Variants in ILF2 observed in about 807,000 individuals in gnomAD.
ILF2 encodes interleukin enhancer-binding factor 2.
Under a neutral mutation model 55.3 loss-of-function variants are expected in ILF2, and 9 were observed. That is an observed-to-expected ratio of 0.16 (90% CI 0.10 to 0.28). The LOEUF is 0.28. ILF2 is among the 10% of genes least tolerant of loss of function. The probability of loss-of-function intolerance (pLI) is 1.00; values close to 1 mark genes in which losing one functional copy is unlikely to be tolerated. For missense variants in ILF2, 266 were observed against 474.9 expected (o/e 0.56, Z 4.09); for synonymous variants, 151 against 161.8 (o/e 0.93, Z 0.50).
chr1:153,670,320 C>T, intron 1 of ILF2, 90 bp from the exon 2 acceptor site: 2 of 1,318,560 alleles, frequency 1.5e-6, no homozygotes, highest in South Asian at 1.2e-5. Context: ...CTCGGAACCT[C>T]CCAACGGTAG....
Position 153,665,274 on chromosome 1 carries a change from T to C in ILF2, c.523A>G (p.Ile175Val), listed in dbSNP as rs1303957419. ...EISSSDATVKILITTVPPNLR... is the reference protein window; with the variant it reads ...EISSSDATVKVLITTVPPNLR... The stretch of plus-strand genomic sequence containing the variant: ...TTGGGTGGCACTGTTGTAATGAGAA[T>C]CTTCACTGTAGCATCAGAAGAACTG... Residue 175 changes from isoleucine (I) to valine (V), a missense_variant, in exon 8 of 14, where the codon ATT becomes GTT. Physicochemically the swap from Ile to Val is conservative, Grantham distance 29. Transcript: ENST00000361891. The C allele has an allele frequency of 6.2e-7, 1 of 1,613,770 alleles. No individual in the cohort carries two copies. Among genetic ancestry groups the C allele is most frequent in the African/African-American group, 1.3e-5 (1 of 74,944 alleles).
rs1419947072 is a variant in ILF2, at chr1:153,668,182, T to C, written c.214-105A>G. On this transcript the variant is annotated intron_variant, in intron 4 of 13. Coordinates refer to ENST00000361891, the MANE Select transcript of ILF2 (RefSeq NM_004515.4). ...CCTTCCATACAAGCTGACTCAATAC[T>C]GACATAGGGCTTTAAAAACACTTCA... is the stretch of plus-strand genomic sequence containing the variant. The C allele has an allele frequency of 3.4e-6, 3 of 873,920 alleles. No homozygotes were observed. The East Asian group carries it at 7.7e-5, about 22-fold the overall frequency. 54.1% of individuals were successfully genotyped at this position (873,920 alleles called of 1,614,324 possible).
chr1:153,667,930 G>A, intron 5 of ILF2, 70 bp downstream of exon 5: 1 of 1,120,320 alleles, frequency 8.9e-7, no homozygotes, highest in Non-Finnish European at 1.3e-6. Flanking sequence ...AAAATTAAAA[G>A]TCAAGAGCCA....
rs1669246540 is a variant in ILF2, at chr1:153,664,040, T to C, written c.744+3A>G. 1.3e-6 allele frequency: 2 copies of C among 1,594,002 alleles called. No individual in the cohort carries two copies. The highest frequency in any genetic ancestry group is 1.3e-5 in the African/African-American group (1 of 74,392). On this transcript the variant is annotated splice_donor_region_variant and intron_variant, in intron 10 of 13. Coordinates refer to ENST00000361891, the MANE Select transcript of ILF2 (RefSeq NM_004515.4). ...GGAACTCCAATTGCCCATCTTTACT[T>C]ACTAGTAGGTCAAGGATCCAGGGTG...
In ILF2 at chr1:153,664,055, G is replaced by C; in HGVS notation, c.732C>G (p.Ile244Met). ...CATCTTTACTTACTAGTAGGTCAAG[G>C]ATCCAGGGTGTGAGGGGCTCAAAGC... ...FPGFEPLTPW[I>M]LDLLGHYAVM... is the part of the protein sequence containing the mutation. Residue 244 changes from isoleucine (I) to methionine (M), a missense_variant, in exon 10 of 14, where the codon ATC (isoleucine) becomes ATG (methionine). By Grantham distance (10) the Ile-to-Met change is conservative. Transcript: ENST00000361891. 3.7e-6 allele frequency: 6 copies of C among 1,611,320 alleles called. No individual in the cohort carries two copies. The highest frequency in any genetic ancestry group is 5.1e-6 in the Non-Finnish European group (6 of 1,177,812).
In ILF2 at chr1:153,665,345, A is replaced by T. The variant is rs1272900588; in HGVS notation, c.461-9T>A. 6.5e-7 allele frequency: 1 copy of T among 1,528,736 alleles called. No homozygotes were observed. Among genetic ancestry groups the T allele is most frequent in the East Asian group, 2.2e-5 (1 of 44,480 alleles). The allele number at this position is 1,528,736 out of a possible 1,614,324, so 94.7% of individuals were successfully genotyped here. On this transcript the variant is annotated splice_polypyrimidine_tract_variant and intron_variant, in intron 7 of 13. Transcript: ENST00000361891. Reference sequence around the variant, plus strand: ...GGTCAGCATGGTTAAAACTGAAAAAACAGAATAAACAAAAACTATAACTCA... The same window carrying T: ...GGTCAGCATGGTTAAAACTGAAAAATCAGAATAAACAAAAACTATAACTCA...
At chr1:153,670,068 G>T in intron 2 of ILF2, 103 bp downstream of exon 2, 1 of 1,262,448 alleles carries the variant, frequency 7.9e-7, no homozygotes, top group Non-Finnish European at 1.2e-6. Context: ...ACCACAGTTG[G>T]CTCTCGCAAA....
At position 153,664,117 on chromosome 1, in the gene ILF2, T is replaced by A; in HGVS notation, c.670A>T (p.Ile224Phe). The change falls in exon 10 of 14, where the codon ATC becomes TTC. Residue 224 changes from isoleucine to phenylalanine, a missense_variant. Ile to Phe is a conservative substitution (Grantham distance 21, BLOSUM62 0). Transcript: ENST00000361891. ...ATCCTCAAGTCCTTCAGTAGTCTGA[T>A]GAGAACTTTAACTCTGAAAGTAATA... ...NASQSTVKVL[I>F]RLLKDLRIRF... The A allele has an allele frequency of 6.2e-7, 1 of 1,611,550 alleles. No individual in the cohort carries two copies. The highest frequency in any genetic ancestry group is 8.5e-7 in the Non-Finnish European group (1 of 1,177,992).
rs1352227045 is a variant in ILF2 at position 153,663,223 on chromosome 1, A to G, written c.798T>C (p.Val266=). Residue 266 remains valine, a synonymous_variant, in exon 11 of 14, where the codon GTT becomes GTC. Coordinates refer to ENST00000361891, the MANE Select transcript of ILF2 (RefSeq NM_004515.4). ...NPTRQPLALN[V]AYRRCLQILA... Reference sequence around the variant, plus strand: ...CCCAAAGCATGCTGTACCTGTATGCAACGTTTAGGGCCAAAGGCTGTCTGG... The same window carrying G: ...CCCAAAGCATGCTGTACCTGTATGCGACGTTTAGGGCCAAAGGCTGTCTGG... 1 of 1,614,210 alleles carries G rather than the reference A, an allele frequency of 6.2e-7. No individual in the cohort carries two copies. Among genetic ancestry groups the G allele is most frequent in the Non-Finnish European group, 8.5e-7 (1 of 1,180,014 alleles).
Position 153,662,716 on chromosome 1 carries a change from C to G in ILF2, c.1001G>C (p.Gly334Ala), listed in dbSNP as rs750546285. 3 of 1,614,032 alleles carry G rather than the reference C, an allele frequency of 1.9e-6. No homozygotes were observed. The highest frequency in any genetic ancestry group is 1.7e-6 in the Non-Finnish European group (2 of 1,179,998). ...CAGTGGTCACTCACAGCTGGCATCA[C>G]CCTCCTGGCCAAGGATCTTCCTAAA... The part of the protein sequence containing the change: ...GGFRKILGQE[G>A]DASYLASEIS... Residue 334 changes from glycine (G) to alanine (A), a missense_variant, in exon 13 of 14, where the codon GGT (glycine) becomes GCT (alanine). Transcript: ENST00000361891.
chr1:153,664,389 G>A lies in ILF2; in HGVS notation c.656+7C>T, dbSNP rs138777641. 6,556 of 1,609,266 alleles carry A rather than the reference G, an allele frequency of 4.1e-3. 19 individuals carry two copies. The highest frequency in any genetic ancestry group is 0.013 in the Middle Eastern group (78 of 6,050). On this transcript the variant is annotated splice_region_variant and intron_variant, in intron 9 of 13. Transcript: ENST00000361891. The stretch of plus-strand genomic sequence containing the variant: ...ATCTTAATCCAAATGGTTAGAGAGG[G>A]ACTCACGTGGACTGAGAAGCATTTT...
chr1:153,662,368 T>A lies in ILF2; in HGVS notation c.*28A>T. 1 of 1,613,520 alleles carries A rather than the reference T, an allele frequency of 6.2e-7. No homozygotes were observed. The highest frequency in any genetic ancestry group is 1.1e-5 in the South Asian group (1 of 91,038). On this transcript the variant is annotated 3_prime_UTR_variant, in exon 14 of 14. Transcript: ENST00000361891. ...GCAGCTTAGGCTCCAGTCTTCCCCC[T>A]TGGGTAGGAAAAGGAGTGAAGGGAA...
At position 153,670,185 on chromosome 1, in the gene ILF2, T is replaced by C. The variant is rs529882986; in HGVS notation, c.51A>G (p.Gly17=). The C allele has an allele frequency of 1.2e-6, 2 of 1,613,908 alleles. No individual in the cohort carries two copies. Among genetic ancestry groups the C allele is most frequent in the African/African-American group, 2.7e-5 (2 of 74,940 alleles). The change falls in exon 2 of 14, where the codon GGA becomes GGG. Residue 17 remains glycine (G), a synonymous_variant. Transcript: ENST00000361891. ...CTGGTACTCACCCTCCTCCTGGGCCTCCTCTGGAACCAAAGCGCCCACCAC... is the reference window on the plus strand; with the variant it reads ...CTGGTACTCACCCTCCTCCTGGGCCCCCTCTGGAACCAAAGCGCCCACCAC... The part of the protein sequence containing the change: ...RGRGGRFGSR[G]GPGGGFRPFV...
chr1:153,666,539 G>A (rs1030470735), intron 6 of ILF2, among the ~76,000 whole-genome samples: 1 of 151,784 alleles, frequency 6.6e-6, no homozygotes, highest in African/African-American at 2.4e-5. Context: ...CTTTTTGTAG[G>A]TACAGGATCT....
In ILF2 at chr1:153,667,631, T is replaced by C. The variant is rs1669345564; in HGVS notation, c.318A>G (p.Gly106=). ...TAGTCATTGTCCCCTTTTTATAGGA[T>C]CCCACCTGTCGAACTTCTTCAATTT... ...EVQIEEVRQV[G]SYKKGTMTTG... is the part of the protein sequence containing the mutation. Residue 106 remains glycine (G), a synonymous_variant, in exon 6 of 14, where the codon GGA becomes GGG. Coordinates refer to ENST00000361891, the MANE Select transcript of ILF2 (RefSeq NM_004515.4). 3 of 1,602,690 alleles carry C rather than the reference T, an allele frequency of 1.9e-6. No individual in the cohort carries two copies. In the Admixed American group the frequency reaches 5.3e-5, roughly 28 times the overall value.
At chr1:153,663,315 G>T (rs1432648035) in intron 10 of ILF2, 39 bp from the exon 11 acceptor site, 2 of 1,578,934 alleles carry the variant, frequency 1.3e-6, no homozygotes, top group Non-Finnish European at 1.7e-6. Flanking sequence ...CCATCAAAAT[G>T]GCACTTCTGA....
intron 8 of ILF2, 95 bp downstream of exon 8, chr1:153,665,125 T>C (rs970289653): frequency 7.9e-6 from 6 of 761,984 alleles, no homozygotes; most frequent in South Asian, 1.5e-5. Flanking sequence ...GGAAGCTGCA[T>C]GTGGAATAGC....
intron 10 of ILF2, among the ~76,000 whole-genome samples, chr1:153,663,745 TAGC>T (rs934969269): frequency 2.0e-5 from 3 of 149,458 alleles, no homozygotes; most frequent in Non-Finnish European, 4.4e-5. Flanking sequence ...GATTAAATGG[TAGC>T]AGTCATGAGA....
intron 3 of ILF2, among the ~76,000 whole-genome samples, 172 bp downstream of exon 3, chr1:153,669,664 C>T (rs1161525828): frequency 6.6e-6 from 1 of 152,152 alleles, no homozygotes; most frequent in East Asian, 1.9e-4. Flanking sequence ...TAGTCTCAAA[C>T]TCCTGACCTT....
Sources: gnomAD v4.1 joint callset for allele counts (sites outside exome capture counted in the v4.1 genomes callset) on GRCh38, gnomAD v4.1.1 for gene constraint, MANE v1.5 for transcripts, NCBI Gene and HGNC (gene_info 2026-07-23, HGNC 2026-07-21) for gene names.